The following SH2B2 variants were observed in gnomAD, a reference collection of about 807,000 sequenced individuals.
SH2B2 encodes the protein SH2B adaptor protein 2, also known as SH2B adapter protein 2.
Under a neutral mutation model 35.7 loss-of-function variants are expected in SH2B2, and 37 were observed. That is an observed-to-expected ratio of 1.04 (90% CI 0.80 to 1.36). The LOEUF (loss-of-function observed/expected upper bound fraction) is 1.36. Among genes scored for constraint, SH2B2 ranks in the 40% most tolerant of loss-of-function variants. The pLI is 0.00. For synonymous variants in SH2B2, 383 were observed against 376.4 expected (o/e 1.02, Z -0.20); for missense variants, 852 against 817.7 (o/e 1.04, Z -0.51).
rs542306451 is a variant in SH2B2, at chr7:102,301,364, G to A, written c.729+85G>A. The stretch of plus-strand genomic sequence containing the variant: ...GCTGAGGGTGCCAGGGACTGCCTTT[G>A]GGGACCGCGTGGTCTAATCTGGTTG... On this transcript the variant is annotated intron_variant, in intron 2 of 8. Coordinates refer to ENST00000444095, the MANE Select transcript of SH2B2 (RefSeq NM_001359228.2). 86 of 1,455,904 alleles carry A rather than the reference G, an allele frequency of 5.9e-5. No homozygotes were observed. In the African/African-American group the frequency reaches 9.5e-4, roughly 16 times the overall value. 90.2% of individuals were successfully genotyped at this position (1,455,904 alleles called of 1,614,324 possible).
upstream of SH2B2, among the ~76,000 whole-genome samples, chr7:102,286,619 C>T (rs1240886545): frequency 1.3e-5 from 2 of 151,900 alleles, no homozygotes; most frequent in Non-Finnish European, 2.9e-5. Context: ...CGACTCGGAG[C>T]CGGCTCCTAA....
rs1554554904 is a variant in SH2B2 at position 102,306,715 on chromosome 7, C to T, written c.730-6C>T. 1.3e-6 allele frequency: 2 copies of T among 1,580,078 alleles called. No individual in the cohort carries two copies. The highest frequency in any genetic ancestry group is 8.6e-7 in the Non-Finnish European group (1 of 1,162,702). ...GGCCACTCACTATCCTTCTTCTGGC[C>T]CCCAGGCCTCCAGGCCCAAGGTCAG... On this transcript the variant is annotated splice_polypyrimidine_tract_variant and splice_region_variant and intron_variant, in intron 2 of 8. Transcript: ENST00000444095.
At chr7:102,309,913 G>A (rs1374895889) in intron 4 of SH2B2, among the ~76,000 whole-genome samples, 2 of 152,214 alleles carry the variant, frequency 1.3e-5, no homozygotes, top group African/African-American at 2.4e-5. Context: ...GCTGAGGCTG[G>A]AGGATCACTT....
chr7:102,289,694 T>G (rs1241695713), intron 1 of SH2B2, among the ~76,000 whole-genome samples: 3 of 150,908 alleles, frequency 2.0e-5, no homozygotes, highest in African/African-American at 7.3e-5. Flanking sequence ...AGAAGGCAGC[T>G]GGGTGGGATG....
chr7:102,300,877 G>A lies in SH2B2; in HGVS notation c.327G>A (p.Ala109=). 2 of 1,460,250 alleles carry A rather than the reference G, an allele frequency of 1.4e-6. No homozygotes were observed. Among genetic ancestry groups the A allele is most frequent in the Non-Finnish European group, 1.8e-6 (2 of 1,109,290 alleles). The allele number at this position is 1,460,250 out of a possible 1,614,324, so 90.5% of individuals were successfully genotyped here. Residue 109 remains alanine (A), a synonymous_variant, in exon 2 of 9, where the codon GCG becomes GCA. Coordinates refer to ENST00000444095, the MANE Select transcript of SH2B2 (RefSeq NM_001359228.2). ...PELADTSALK[A]APYGHSRSSE... ...TCGCGGACACCTCTGCACTCAAGGC[G>A]GCGCCCTACGGCCACTCGCGGAGCT...
At chr7:102,290,830 G>A (rs966109844) in intron 1 of SH2B2, among the ~76,000 whole-genome samples, 3 of 152,206 alleles carry the variant, frequency 2.0e-5, no homozygotes, top group African/African-American at 7.2e-5. Context: ...TTATGTGTTG[G>A]GGCAGTGGGT....
chr7:102,306,244 G>T (rs924009841), intron 2 of SH2B2, among the ~76,000 whole-genome samples: 1 of 152,040 alleles, frequency 6.6e-6, no homozygotes, highest in Admixed American at 6.6e-5. Context: ...GCACCACCAC[G>T]CCTGGCTAAT....
chr7:102,315,151 T>G (rs1793773014), intron 6 of SH2B2, among the ~76,000 whole-genome samples: 1 of 150,510 alleles, frequency 6.6e-6, no homozygotes, highest in African/African-American at 2.4e-5. Flanking sequence ...ATCACGCCAC[T>G]GCACTCCAGC....
At chr7:102,312,743 G>C (rs1793672763) in intron 4 of SH2B2, among the ~76,000 whole-genome samples, 1 of 151,908 alleles carries the variant, frequency 6.6e-6, no homozygotes, top group African/African-American at 2.4e-5. Flanking sequence ...AGGGCAGTGG[G>C]GCATGATCAC....
intron 1 of SH2B2, among the ~76,000 whole-genome samples, chr7:102,291,205 G>A (rs1462596350): frequency 5.3e-5 from 8 of 152,222 alleles, no homozygotes; most frequent in African/African-American, 1.4e-4. Context: ...GTCTGCAGAC[G>A]CCGGTGCCAG....
chr7:102,317,222 C>T lies in SH2B2; in HGVS notation c.1222C>T (p.Pro408Ser). Residue 408 changes from proline to serine, a missense_variant, in exon 7 of 9, where the codon CCC (proline) becomes TCC (serine). This residue lies in a region of SH2B2 where 556 missense variants were observed against 514.5 expected (regional missense o/e 1.08). Coordinates refer to ENST00000444095, the MANE Select transcript of SH2B2 (RefSeq NM_001359228.2). ...TGCAGAGACGGATCCCGAGGCTGAA[C>T]CCGAGCTGGAGCTATCCGACTACCC... is the stretch of plus-strand genomic sequence containing the variant. Reference protein sequence around the residue: ...QGAETDPEAEPELELSDYPWF... With the variant: ...QGAETDPEAESELELSDYPWF... 6.2e-7 allele frequency: 1 copy of T among 1,610,380 alleles called. No homozygotes were observed. Among genetic ancestry groups the T allele is most frequent in the Non-Finnish European group, 8.5e-7 (1 of 1,178,370 alleles).
chr7:102,317,510 G>A, intron 7 of SH2B2, 115 bp downstream of exon 7: 2 of 1,004,344 alleles, frequency 2.0e-6, no homozygotes, highest in South Asian at 1.9e-5. Flanking sequence ...AACAGGTGTG[G>A]CATGACTTCC....
intron 1 of SH2B2, among the ~76,000 whole-genome samples, chr7:102,287,717 C>A (rs1586558939): frequency 6.6e-6 from 1 of 152,152 alleles, no homozygotes; most frequent in Non-Finnish European, 1.5e-5. Context: ...GGCCCTTGGG[C>A]CTCGGCCATT....
At chr7:102,296,936 G>A (rs952289765) in intron 1 of SH2B2, among the ~76,000 whole-genome samples, 8 of 151,624 alleles carry the variant, frequency 5.3e-5, no homozygotes, top group Admixed American at 4.6e-4. Context: ...CTGTGATCTC[G>A]CCACTGCACT....
chr7:102,313,421 C>T (rs1488643845), intron 4 of SH2B2, among the ~76,000 whole-genome samples: 1 of 152,110 alleles, frequency 6.6e-6, no homozygotes, highest in Non-Finnish European at 1.5e-5. Context: ...GCACTCCAGC[C>T]TGGGTGACAG....
In SH2B2 at chr7:102,301,197, C is replaced by G. The variant is rs782038322; in HGVS notation, c.647C>G (p.Ala216Gly). Residue 216 changes from alanine (A) to glycine (G), a missense_variant, in exon 2 of 9, where the codon GCT becomes GGT. By Grantham distance (60) the Ala-to-Gly change is moderately conservative (BLOSUM62 0). This residue lies in a region of SH2B2 where 556 missense variants were observed against 514.5 expected (regional missense o/e 1.08). Coordinates refer to ENST00000444095, the MANE Select transcript of SH2B2 (RefSeq NM_001359228.2). ...DDAAAGSGGSAQWQKCRLLLR... is the reference protein window; with the variant it reads ...DDAAAGSGGSGQWQKCRLLLR... Reference sequence around the variant, plus strand: ...GCGGCCGCGGGCTCCGGGGGCTCGGCTCAGTGGCAGAAGTGCCGCCTGCTC... The same window carrying G: ...GCGGCCGCGGGCTCCGGGGGCTCGGGTCAGTGGCAGAAGTGCCGCCTGCTC... 6.3e-7 allele frequency: 1 copy of G among 1,590,734 alleles called. No homozygotes were observed. The highest frequency in any genetic ancestry group is 1.4e-5 in the African/African-American group (1 of 73,356).
Position 102,300,684 on chromosome 7 carries a change from T to A in SH2B2, c.134T>A (p.Phe45Tyr). 6.5e-7 allele frequency: 1 copy of A among 1,547,186 alleles called. No homozygotes were observed. The highest frequency in any genetic ancestry group is 2.4e-5 in the East Asian group (1 of 40,820). ...GACTTTGCGCACAAGTTCTGCCGTT[T>A]CCTGCGGGACAACCCAGCTTACGAC... Reference protein sequence around the residue: ...AVDFAHKFCRFLRDNPAYDTP... With the variant: ...AVDFAHKFCRYLRDNPAYDTP... The change falls in exon 2 of 9, where the codon TTC becomes TAC. Residue 45 changes from phenylalanine to tyrosine, a missense_variant. Phe to Tyr is a conservative substitution (Grantham distance 22, BLOSUM62 3). Around this residue, in one of 3 missense-constraint regions of SH2B2, gnomAD observed 294 missense variants for 286.6 expected, o/e 1.03. Transcript: ENST00000444095.
At position 102,301,247 on chromosome 7, in the gene SH2B2, C is replaced by T. The variant is rs1393310159; in HGVS notation, c.697C>T (p.Arg233Cys). Residue 233 changes from arginine (R) to cysteine (C), a missense_variant, in exon 2 of 9, where the codon CGC (arginine) becomes TGC (cysteine). By Grantham distance (180) the Arg-to-Cys change is radical (BLOSUM62 -3). Coordinates refer to ENST00000444095, the MANE Select transcript of SH2B2 (RefSeq NM_001359228.2). ...LLLRRAVAEE[R>C]FRLEFFVPPK... ...CCTGCGCAGGGCTGTGGCCGAGGAA[C>T]GCTTCCGCCTGGAGTTCTTCGTGCC... is the stretch of plus-strand genomic sequence containing the variant. 2 of 1,604,292 alleles carry T rather than the reference C, an allele frequency of 1.2e-6. No individual in the cohort carries two copies. Among genetic ancestry groups the T allele is most frequent in the African/African-American group, 2.7e-5 (2 of 74,208 alleles).
intron 6 of SH2B2, among the ~76,000 whole-genome samples, chr7:102,315,745 A>G (rs1455939394): frequency 4.9e-4 from 6 of 12,340 alleles, no homozygotes; most frequent in Non-Finnish European, 2.5e-3. Flanking sequence ...CTGTGAAAAG[A>G]AAAAAAAAAA....
Sources: gnomAD v4.1 joint callset for allele counts (sites outside exome capture counted in the v4.1 genomes callset) on GRCh38, gnomAD v4.1.1 for gene constraint, gnomAD v4.1.1 regional missense constraint, MANE v1.5 for transcripts, NCBI Gene and HGNC (gene_info 2026-07-23, HGNC 2026-07-21) for gene names.